Variants in TAF3 observed in about 807,000 individuals in gnomAD.
The protein encoded by TAF3 is TATA-box binding protein associated factor 3.
A neutral mutation model predicts 80.6 loss-of-function variants in TAF3; 7 were observed. The ratio of observed to expected loss-of-function variants is 0.09; its 90% CI spans 0.05 to 0.16. The LOEUF (loss-of-function observed/expected upper bound fraction) is 0.16, where lower values mean the gene tolerates loss of function less well. Among genes scored for constraint, TAF3 ranks in the 10% least tolerant of loss-of-function variants. TAF3 has a pLI of 1.00. For missense variants in TAF3, 921 were observed against 1,140.2 expected, an observed-to-expected ratio of 0.81 and a Z score of 2.77; for synonymous variants, 444 against 446.1, an observed-to-expected ratio of 1.00 and a Z score of 0.06.
chr10:7,966,060 A>G (rs1392279772), intron 3 of TAF3, among the ~76,000 whole-genome samples: 2 of 152,136 alleles, frequency 1.3e-5, no homozygotes, highest in African/African-American at 4.8e-5. Context: ...TGTGAATAAT[A>G]TTTATGTGAA....
intron 2 of TAF3, among the ~76,000 whole-genome samples, chr10:7,933,016 G>A (rs1837883442): frequency 6.6e-6 from 1 of 151,592 alleles, no homozygotes; most frequent in Non-Finnish European, 1.5e-5. Context: ...AAGACTAGAA[G>A]GAAACCCAAT....
intron 2 of TAF3, among the ~76,000 whole-genome samples, chr10:7,920,332 A>ATGTG (rs1347512701): frequency 6.9e-5 from 2 of 28,878 alleles, no homozygotes; most frequent in Non-Finnish European, 1.0e-4. Context: ...GTGTGTGTGT[A>ATGTG]TGTGTGTGTG....
At chr10:8,014,215 A>G (rs1056452485) in intron 6 of TAF3, among the ~76,000 whole-genome samples, 2 of 152,248 alleles carry the variant, frequency 1.3e-5, no homozygotes, top group Non-Finnish European at 2.9e-5. Context: ...CTGCAGGACT[A>G]AAGACTGCTT....
intron 3 of TAF3, among the ~76,000 whole-genome samples, chr10:7,969,705 C>T (rs1218582487): frequency 6.6e-6 from 1 of 152,142 alleles, no homozygotes; most frequent in East Asian, 1.9e-4. Flanking sequence ...TTTTTACATT[C>T]GAATATGATC....
intron 2 of TAF3, among the ~76,000 whole-genome samples, chr10:7,848,190 C>T (rs1157530448): frequency 6.6e-6 from 1 of 152,232 alleles, no homozygotes; most frequent in Non-Finnish European, 1.5e-5. Context: ...ACTAGCTATT[C>T]TTCCTGATAT....
At chr10:7,889,019 A>G (rs1837435693) in intron 2 of TAF3, among the ~76,000 whole-genome samples, 1 of 152,118 alleles carries the variant, frequency 6.6e-6, no homozygotes, top group Non-Finnish European at 1.5e-5. Flanking sequence ...TTTTTTCTAC[A>G]CGTGGGATAT....
intron 2 of TAF3, among the ~76,000 whole-genome samples, chr10:7,913,506 A>T (rs975122073): frequency 6.6e-6 from 1 of 152,208 alleles, no homozygotes; most frequent in Non-Finnish European, 1.5e-5. Context: ...CCCATTTATT[A>T]TGCCACAGTA....
At chr10:7,845,542 A>G (rs1836961520) in intron 2 of TAF3, among the ~76,000 whole-genome samples, 1 of 152,214 alleles carries the variant, frequency 6.6e-6, no homozygotes, top group Non-Finnish European at 1.5e-5. Context: ...GGAAGCGAGA[A>G]TGTGTTTGAG....
chr10:7,825,318 T>A lies in TAF3; in HGVS notation c.409+758T>A, dbSNP rs186767509. Among the ~76,000 whole-genome samples the A allele has an allele frequency of 2.3e-3, 353 of 152,324 alleles. 1 individual carries two copies. Among genetic ancestry groups the A allele is most frequent in the Non-Finnish European group, 4.2e-3 (288 of 68,016 alleles). The stretch of plus-strand genomic sequence containing the variant: ...CAATGCAAATGATGCCAGCAATTAC[T>A]TTTACTTATGATTTTCTATTGTAAA... On this transcript the variant is annotated intron_variant, in intron 2 of 6. Coordinates refer to ENST00000344293, the MANE Select transcript of TAF3 (RefSeq NM_031923.4).
intron 3 of TAF3, among the ~76,000 whole-genome samples, chr10:7,974,434 G>A (rs1831651303): frequency 6.6e-6 from 1 of 152,136 alleles, no homozygotes; most frequent in African/African-American, 2.4e-5. Context: ...TCATATTTTG[G>A]CCTTAGTGTC....
intron 2 of TAF3, among the ~76,000 whole-genome samples, chr10:7,962,287 T>C (rs1229942110): frequency 6.6e-6 from 1 of 152,242 alleles, no homozygotes; most frequent in African/African-American, 2.4e-5. Flanking sequence ...GTTCTAGCTC[T>C]GACCCTTACT....
rs536114519 is a variant in TAF3 at position 7,963,208 on chromosome 10, A to G, written c.410-712A>G. On this transcript the variant is annotated intron_variant, in intron 2 of 6. Transcript: ENST00000344293. ...CCTAAAAATACCTGTCATTCCTGATAATAATAATAATCCATACTAAGTCCT... is the reference window on the plus strand; with the variant it reads ...CCTAAAAATACCTGTCATTCCTGATGATAATAATAATCCATACTAAGTCCT... 6.0e-5 allele frequency among the ~76,000 whole-genome samples: 9 copies of G among 149,046 alleles called. No homozygotes were observed. The East Asian group carries it at 1.5e-3, about 26-fold the overall frequency.
At chr10:7,857,289 A>G (rs1194780290) in intron 2 of TAF3, among the ~76,000 whole-genome samples, 2 of 152,226 alleles carry the variant, frequency 1.3e-5, no homozygotes, top group African/African-American at 4.8e-5. Context: ...TTATAAATGT[A>G]ATCTACATTT....
rs1226470703 is a variant in TAF3, at chr10:7,863,702, T to TACAC, written c.409+39143_409+39144insCACA. On this transcript the variant is annotated intron_variant, in intron 2 of 6. Transcript: ENST00000344293. The stretch of plus-strand genomic sequence containing the variant: ...ATATATATACACACACATATATATA[T>TACAC]ATACACATATATATATACACATATA... Among the ~76,000 whole-genome samples, 192 of 77,040 alleles carry TACAC rather than the reference T, an allele frequency of 2.5e-3. 25 individuals carry two copies. Among genetic ancestry groups the TACAC allele is most frequent in the African/African-American group, 7.2e-3 (157 of 21,770 alleles). 50.5% of individuals were successfully genotyped at this position (77,040 alleles called of 152,430 possible). A position where few individuals can be genotyped will look rare whatever the true frequency, so the allele number is the denominator to read the frequency against.
chr10:7,889,362 G>A (rs1238728875), intron 2 of TAF3, among the ~76,000 whole-genome samples: 1 of 152,204 alleles, frequency 6.6e-6, no homozygotes, highest in Admixed American at 6.5e-5. Context: ...GCCGGGCACT[G>A]TTGTAAACAC....
At chr10:7,882,267 G>A (rs1357723308) in intron 2 of TAF3, among the ~76,000 whole-genome samples, 3 of 152,134 alleles carry the variant, frequency 2.0e-5, no homozygotes, top group Non-Finnish European at 2.9e-5. Context: ...GGAAGTTTTG[G>A]TCAATCTAAC....
chr10:7,964,761 A>T lies in TAF3; in HGVS notation c.1251A>T (p.Gly417=), dbSNP rs1831551182. 3 of 1,614,174 alleles carry T rather than the reference A, an allele frequency of 1.9e-6. No individual in the cohort carries two copies. The highest frequency in any genetic ancestry group is 2.7e-5 in the African/African-American group (2 of 75,036). ...TTTCTTCTGGATCGGAATCTGAAGG[A>T]GACATTTTTACTAGCCCTAAGAGAA... ...FEFSSGSESE[G]DIFTSPKRIS... Residue 417 remains glycine, a synonymous_variant, in exon 3 of 7, where the codon GGA becomes GGT. Coordinates refer to ENST00000344293, the MANE Select transcript of TAF3 (RefSeq NM_031923.4). The surrounding 1 kb of genome is among the most constrained non-coding windows in gnomAD (Gnocchi z 4.1).
At chr10:7,997,064 T>C (rs1011907473) in intron 4 of TAF3, among the ~76,000 whole-genome samples, 2 of 152,124 alleles carry the variant, frequency 1.3e-5, no homozygotes, top group African/African-American at 2.4e-5. Context: ...CTGAGATTGA[T>C]CAAAAACTGA....
At chr10:7,981,024 G>A (rs1247718856) in intron 4 of TAF3, among the ~76,000 whole-genome samples, 1 of 152,102 alleles carries the variant, frequency 6.6e-6, no homozygotes, top group Non-Finnish European at 1.5e-5. Flanking sequence ...GGATGGAACT[G>A]TCAAGAAAGA....
Sources: gnomAD v4.1 joint callset for allele counts (sites outside exome capture counted in the v4.1 genomes callset) on GRCh38, gnomAD v4.1.1 for gene constraint, Gnocchi (gnomAD v3.1) non-coding constraint, MANE v1.5 for transcripts, NCBI Gene and HGNC (gene_info 2026-07-23, HGNC 2026-07-21) for gene names.